The following CSNK1G2 variants were observed in gnomAD, a reference collection of about 807,000 sequenced individuals.
The protein encoded by CSNK1G2 is casein kinase 1 gamma 2.
CSNK1G2 carries 11 observed loss-of-function variants against 48.0 expected under a neutral mutation model. The ratio of observed to expected loss-of-function variants is 0.23; its 90% CI spans 0.14 to 0.38. The LOEUF is 0.38. Ranked by LOEUF, CSNK1G2 falls within the 10% of genes least tolerant of loss-of-function variation. CSNK1G2 has a pLI of 1.00. For synonymous variants in CSNK1G2, 337 were observed against 254.1 expected (o/e 1.33, Z -3.10); for missense variants, 446 against 595.5 (o/e 0.75, Z 2.61).
intron 1 of CSNK1G2, among the ~76,000 whole-genome samples, chr19:1,948,163 G>A (rs969253369): frequency 2.0e-4 from 30 of 152,300 alleles, no homozygotes; most frequent in East Asian, 3.9e-4. Context: ...CCGCTGCCCC[G>A]GGCCCTGTCC....
intron 2 of CSNK1G2, among the ~76,000 whole-genome samples, chr19:1,970,404 C>G (rs771760566): frequency 6.6e-6 from 1 of 152,234 alleles, no homozygotes; most frequent in Admixed American, 6.5e-5. Flanking sequence ...GGTGATGATA[C>G]TGCTGTGTGC....
intron 2 of CSNK1G2, among the ~76,000 whole-genome samples, chr19:1,977,268 C>T (rs118066039): frequency 5.3e-5 from 8 of 152,184 alleles, no homozygotes; most frequent in Admixed American, 2.0e-4. Flanking sequence ...GCCCAGCTGC[C>T]GTGGGGAGCC....
At chr19:1,973,809 T>G (rs1267471928) in intron 2 of CSNK1G2, among the ~76,000 whole-genome samples, 1 of 152,136 alleles carries the variant, frequency 6.6e-6, no homozygotes, top group East Asian at 1.9e-4. Context: ...TTTAAATCTT[T>G]GAACATGTTT....
chr19:1,954,685 C>T (rs1338223337), intron 1 of CSNK1G2: 1 of 152,342 alleles, frequency 6.6e-6, no homozygotes, highest in East Asian at 1.9e-4. Context: ...GGGCCCAGAC[C>T]AGATGGAGGA....
intron 1 of CSNK1G2, among the ~76,000 whole-genome samples, chr19:1,949,700 C>T (rs2014694581): frequency 6.6e-6 from 1 of 152,266 alleles, no homozygotes; most frequent in East Asian, 1.9e-4. Context: ...GACGGCCATC[C>T]ATACCTGCAC....
At chr19:1,962,880 C>T (rs1255397360) in intron 1 of CSNK1G2, among the ~76,000 whole-genome samples, 1 of 152,202 alleles carries the variant, frequency 6.6e-6, no homozygotes, top group South Asian at 2.1e-4. Context: ...AGCCCGTGCG[C>T]AGACGCCGCC....
chr19:1,963,163 G>A (rs924568579), intron 1 of CSNK1G2, among the ~76,000 whole-genome samples: 5 of 152,016 alleles, frequency 3.3e-5, no homozygotes, highest in South Asian at 4.2e-4. Context: ...AGGGAGTAAC[G>A]TGGTGGTTTA....
At position 1,969,975 on chromosome 19, in the gene CSNK1G2, G is replaced by A; in HGVS notation, c.187+16G>A. ...CTCCGCCTAGGTGAGGCCCTGCTCG[G>A]TGGTAGGTGGGGTCGGGAGGCTGCT... is the stretch of plus-strand genomic sequence containing the variant. On this transcript the variant is annotated intron_variant, in intron 2 of 11. Coordinates refer to ENST00000255641, the MANE Select transcript of CSNK1G2 (RefSeq NM_001319.7). 2.3e-6 allele frequency: 3 copies of A among 1,302,048 alleles called. No individual in the cohort carries two copies. The highest frequency in any genetic ancestry group is 2.9e-6 in the Non-Finnish European group (3 of 1,021,120). The allele number at this position is 1,302,048 out of a possible 1,614,324, so 80.7% of individuals were successfully genotyped here.
At chr19:1,976,646 A>C (rs2015765780) in intron 2 of CSNK1G2, among the ~76,000 whole-genome samples, 1 of 151,830 alleles carries the variant, frequency 6.6e-6, no homozygotes, top group Non-Finnish European at 1.5e-5. Context: ...CTTTGAATCC[A>C]CCTTAGCAGG....
chr19:1,971,695 G>C (rs1021467654), intron 2 of CSNK1G2, among the ~76,000 whole-genome samples: 1 of 152,142 alleles, frequency 6.6e-6, no homozygotes. Flanking sequence ...TCCTGTCCTT[G>C]GGCGGCGGTT....
rs1258672412 is a variant in CSNK1G2 at position 1,950,758 on chromosome 19, A to G, written c.-266+9340A>G. On this transcript the variant is annotated intron_variant, in intron 1 of 11. Transcript: ENST00000255641. ...AGCACCCGTCCCCCTGCCTCCCTCCAGCCAGTGTCAGGTGGGGACCTGGCC... is the reference window on the plus strand; with the variant it reads ...AGCACCCGTCCCCCTGCCTCCCTCCGGCCAGTGTCAGGTGGGGACCTGGCC... Among the ~76,000 whole-genome samples, 2 of 145,228 alleles carry G rather than the reference A, an allele frequency of 1.4e-5. 1 individual carries two copies. The highest frequency in any genetic ancestry group is 3.0e-5 in the Non-Finnish European group (2 of 66,874).
intron 2 of CSNK1G2, among the ~76,000 whole-genome samples, chr19:1,971,488 C>A (rs1176490640): frequency 6.6e-6 from 1 of 152,270 alleles, no homozygotes; most frequent in Admixed American, 6.5e-5. Context: ...CTCAGACACA[C>A]GTGCAGACAC....
chr19:1,970,003 C>G, intron 2 of CSNK1G2, 44 bp downstream of exon 2: 1 of 1,286,862 alleles, frequency 7.8e-7, no homozygotes, highest in Non-Finnish European at 9.8e-7. Context: ...AGGCTGCTGG[C>G]AGGGCCGCCC....
chr19:1,968,402 G>A (rs1276327036), intron 1 of CSNK1G2, among the ~76,000 whole-genome samples: 1 of 152,026 alleles, frequency 6.6e-6, no homozygotes, highest in Non-Finnish European at 1.5e-5. Context: ...GCTCCTTGCT[G>A]GGGACCGTCC....
At chr19:1,953,235 C>G (rs368555808) in intron 1 of CSNK1G2, 7 of 375,404 alleles carry the variant, frequency 1.9e-5, no homozygotes, top group African/African-American at 6.3e-5. Context: ...TGTGGCACCA[C>G]TTGGGACCGG....
rs752174642 is a variant in CSNK1G2, at chr19:1,969,973, C to A, written c.187+14C>A. The stretch of plus-strand genomic sequence containing the variant: ...AGCTCCGCCTAGGTGAGGCCCTGCT[C>A]GGTGGTAGGTGGGGTCGGGAGGCTG... On this transcript the variant is annotated intron_variant, in intron 2 of 11. Coordinates refer to ENST00000255641, the MANE Select transcript of CSNK1G2 (RefSeq NM_001319.7). The A allele has an allele frequency of 1.5e-6, 2 of 1,302,508 alleles. No individual in the cohort carries two copies. Among genetic ancestry groups the A allele is most frequent in the Admixed American group, 6.1e-5 (2 of 32,692 alleles). 80.7% of individuals were successfully genotyped at this position (1,302,508 alleles called of 1,614,324 possible). A position where few individuals can be genotyped will look rare whatever the true frequency, so the allele number is the denominator to read the frequency against.
rs1336778634 is a variant in CSNK1G2 at position 1,978,379 on chromosome 19, G to A, written c.228+34G>A. The stretch of plus-strand genomic sequence containing the variant: ...GCCCCTCCACCCCACCCCCGCTGAC[G>A]TGCCCCCCAGGGATTTCAGGGCAGC... On this transcript the variant is annotated intron_variant, in intron 3 of 11. Coordinates refer to ENST00000255641, the MANE Select transcript of CSNK1G2 (RefSeq NM_001319.7). The surrounding 1 kb of genome is among the most constrained non-coding windows in gnomAD (Gnocchi z 7.3). 7.4e-6 allele frequency: 12 copies of A among 1,611,884 alleles called. No individual in the cohort carries two copies. Among genetic ancestry groups the A allele is most frequent in the African/African-American group, 6.7e-5 (5 of 74,856 alleles).
At chr19:1,941,684 A>C (rs1387271286) in intron 1 of CSNK1G2, among the ~76,000 whole-genome samples, 5 of 120,478 alleles carry the variant, frequency 4.2e-5, no homozygotes, top group Admixed American at 8.9e-5. Context: ...ACCCGCGCTC[A>C]GGACCTCCGG....
intron 1 of CSNK1G2, chr19:1,952,675 C>T (rs968707311): frequency 5.0e-5 from 12 of 238,586 alleles, no homozygotes; most frequent in South Asian, 4.5e-4. Context: ...GAGGTGAGTA[C>T]AGGCCTGACT....
Sources: allele counts gnomAD v4.1 joint callset (sites outside exome capture counted in the v4.1 genomes callset), GRCh38; gene constraint gnomAD v4.1.1; non-coding constraint Gnocchi (gnomAD v3.1); transcripts MANE v1.5; gene names NCBI Gene and HGNC (gene_info 2026-07-23, HGNC 2026-07-21).